ZNF317: variants seen among roughly 807,000 people sequenced by gnomAD.
ZNF317 encodes zinc finger protein 317.
ZNF317 carries 17 observed loss-of-function variants against 23.4 expected under a neutral mutation model. The ratio of observed to expected loss-of-function variants is 0.73; its 90% CI spans 0.50 to 1.09. The LOEUF is 1.09. Ranked by LOEUF, ZNF317 falls within the 50% of genes least tolerant of loss-of-function variation. The probability of loss-of-function intolerance (pLI) is 0.00; values close to 1 mark genes in which losing one functional copy is unlikely to be tolerated. For missense variants in ZNF317, 679 were observed against 796.7 expected, an observed-to-expected ratio of 0.85 and a Z score of 1.78; for synonymous variants, 317 against 314.9, an observed-to-expected ratio of 1.01 and a Z score of -0.07.
rs2050845129 is a variant in ZNF317, at chr19:9,160,893, A to G, written c.1248A>G (p.Lys416=). The G allele has an allele frequency of 1.2e-6, 2 of 1,613,642 alleles. No individual in the cohort carries two copies. The highest frequency in any genetic ancestry group is 1.3e-5 in the African/African-American group (1 of 74,782). Residue 416 remains lysine (K), a synonymous_variant, in exon 7 of 7, where the codon AAA becomes AAG. Transcript: ENST00000247956. This position sits in a 1 kb window ranked among gnomAD's most constrained non-coding sequence, Gnocchi z 6.8. ...ACATGAGGATTCACATCGTCAAGAA[A>G]CCCGTGGAATGTCGGCAGTGCGGGA... ...RKHMRIHIVK[K]PVECRQCGKT...
At chr19:9,147,460 C>T (rs564641238) in intron 1 of ZNF317, among the ~76,000 whole-genome samples, 7 of 151,806 alleles carry the variant, frequency 4.6e-5, no homozygotes, top group African/African-American at 1.2e-4. Flanking sequence ...CCTGCCTCAG[C>T]CTCCTGAGTA....
At chr19:9,155,604 C>T (rs551746587) in intron 1 of ZNF317, among the ~76,000 whole-genome samples, 7 of 152,230 alleles carry the variant, frequency 4.6e-5, no homozygotes, top group East Asian at 3.9e-4. Flanking sequence ...CCTAAATGAT[C>T]GCAGGCCTCG....
intron 1 of ZNF317, among the ~76,000 whole-genome samples, chr19:9,142,803 A>T (rs1219777808): frequency 2.3e-5 from 1 of 42,602 alleles, no homozygotes; most frequent in Non-Finnish European, 4.2e-5. Context: ...TGGAAAGGAC[A>T]TGTTACTATT....
intron 4 of ZNF317, 68 bp from the exon 5 acceptor site, chr19:9,157,912 C>T (rs1568314696): frequency 2.0e-6 from 3 of 1,515,454 alleles, no homozygotes; most frequent in Middle Eastern, 1.7e-4. Flanking sequence ...AGTGTTGAGC[C>T]CAGGCTACTG....
rs989407392 is a variant in ZNF317 at position 9,162,504 on chromosome 19, A to C, written c.*1071A>C. 8.6e-5 allele frequency: 13 copies of C among 151,802 alleles called. No individual in the cohort carries two copies. Among genetic ancestry groups the C allele is most frequent in the African/African-American group, 3.1e-4 (13 of 41,300 alleles). 9.4% of individuals were successfully genotyped at this position (151,802 alleles called of 1,614,324 possible). ...AGCATGTGAATATTCTCACGGAGAG[A>C]AGCCCCAGCGAGATTTTCCGGTGAA... On this transcript the variant is annotated 3_prime_UTR_variant, in exon 7 of 7. Coordinates refer to ENST00000247956, the MANE Select transcript of ZNF317 (RefSeq NM_020933.5).
In ZNF317 at chr19:9,157,214, A is replaced by G. The variant is rs1010513939; in HGVS notation, c.163-54A>G. On this transcript the variant is annotated intron_variant, in intron 3 of 6. Coordinates refer to ENST00000247956, the MANE Select transcript of ZNF317 (RefSeq NM_020933.5). ...GGTCTTCAACCTCAGCCATCTTACC[A>G]TGAACATCGTTAGGCTGGTTCCTCG... The G allele has an allele frequency of 3.1e-6, 5 of 1,597,318 alleles. No homozygotes were observed. In the African/African-American group the frequency reaches 4.0e-5, roughly 13 times the overall value.
intron 1 of ZNF317, among the ~76,000 whole-genome samples, chr19:9,144,324 A>C (rs1373282985): frequency 1.3e-5 from 2 of 152,152 alleles, no homozygotes; most frequent in African/African-American, 4.8e-5. Flanking sequence ...CTTATATTTT[A>C]GATATCTCTT....
At position 9,155,935 on chromosome 19, in the gene ZNF317, G is replaced by T; in HGVS notation, c.-82G>T. 1 of 1,551,746 alleles carries T rather than the reference G, an allele frequency of 6.4e-7. No homozygotes were observed. The highest frequency in any genetic ancestry group is 8.9e-7 in the Non-Finnish European group (1 of 1,123,528). On this transcript the variant is annotated 5_prime_UTR_variant, in exon 2 of 7. It introduces an in-frame stop codon into an upstream open reading frame of the 5' UTR. Coordinates refer to ENST00000247956, the MANE Select transcript of ZNF317 (RefSeq NM_020933.5). ...TTTCATTTGCTACAGATGCCAGCTT[G>T]GAGAGTCACGTGAGAGCAAGAGAGT... is the stretch of plus-strand genomic sequence containing the variant.
At position 9,158,848 on chromosome 19, in the gene ZNF317, C is replaced by T; in HGVS notation, c.408C>T (p.Thr136=). 6.2e-7 allele frequency: 1 copy of T among 1,611,888 alleles called. No individual in the cohort carries two copies. The highest frequency in any genetic ancestry group is 8.5e-7 in the Non-Finnish European group (1 of 1,178,018). The change falls in exon 6 of 7, where the codon ACC becomes ACT. Residue 136 remains threonine (T), a synonymous_variant. Coordinates refer to ENST00000247956, the MANE Select transcript of ZNF317 (RefSeq NM_020933.5). ...CAGATTGGGAGACTCCATCTAAAAC[C>T]AAGTGGTCACTTCTTATGGAAGATA... is the stretch of plus-strand genomic sequence containing the variant. ...ACADWETPSK[T]KWSLLMEDIF...
intron 6 of ZNF317, 59 bp downstream of exon 6, chr19:9,158,967 G>A (rs1215343469): frequency 1.6e-6 from 2 of 1,240,142 alleles, no homozygotes; most frequent in Non-Finnish European, 2.4e-6. Flanking sequence ...GACTGGGGCA[G>A]CCTAGGTTAG....
chr19:9,154,170 T>C (rs970517564), intron 1 of ZNF317, among the ~76,000 whole-genome samples: 6 of 152,198 alleles, frequency 3.9e-5, no homozygotes, highest in African/African-American at 1.4e-4. Context: ...CATAGATCAG[T>C]TGTGAGAAGA....
chr19:9,147,330 G>GTTTTTTTTTTTTTTTTTT (rs35259257), intron 1 of ZNF317, among the ~76,000 whole-genome samples: 1 of 110,172 alleles, frequency 9.1e-6, no homozygotes, highest in African/African-American at 3.9e-5. Flanking sequence ...AATGACACTG[G>GTTTTTTTTTTTTTTTTTT]TTTTTTTTTT....
rs150387379 is a variant in ZNF317, at chr19:9,147,312, A to G, written c.-93+6720A>G. Among the ~76,000 whole-genome samples, 16 of 150,310 alleles carry G rather than the reference A, an allele frequency of 1.1e-4. 1 individual carries two copies. In the East Asian group the frequency reaches 2.9e-3, roughly 28 times the overall value. ...TCCGTTCTAACTCATCCATGGTGAC[A>G]GCATTCCAATGACACTGGTTTTTTT... On this transcript the variant is annotated intron_variant, in intron 1 of 6. Coordinates refer to ENST00000247956, the MANE Select transcript of ZNF317 (RefSeq NM_020933.5).
In ZNF317 at chr19:9,160,128, T is replaced by A; in HGVS notation, c.483T>A (p.Leu161=). The A allele has an allele frequency of 6.2e-7, 1 of 1,614,084 alleles. No individual in the cohort carries two copies. The highest frequency in any genetic ancestry group is 8.5e-7 in the Non-Finnish European group (1 of 1,179,918). ...PSGVTMERAG[L]GEKSTEYAHL... ...TTAACCAACAGGAAAGAGCCGGTCT[T>A]GGAGAGAAGTCCACTGAATACGCTC... The change falls in exon 7 of 7, where the codon CTT becomes CTA. Residue 161 remains leucine, a synonymous_variant. Coordinates refer to ENST00000247956, the MANE Select transcript of ZNF317 (RefSeq NM_020933.5). This position sits in a 1 kb window ranked among gnomAD's most constrained non-coding sequence, Gnocchi z 6.8.
At chr19:9,142,669 C>T (rs991843576) in intron 1 of ZNF317, among the ~76,000 whole-genome samples, 7 of 151,502 alleles carry the variant, frequency 4.6e-5, no homozygotes, top group Non-Finnish European at 2.9e-5. Flanking sequence ...TAAATTATGG[C>T]ACTCAGTACT....
chr19:9,159,583 G>T (rs955997805), intron 6 of ZNF317, among the ~76,000 whole-genome samples: 2 of 145,726 alleles, frequency 1.4e-5, no homozygotes, highest in African/African-American at 2.5e-5. Context: ...TCTTGCTCTT[G>T]TCACCCAGGC....
chr19:9,148,275 A>AC (rs2050705741), intron 1 of ZNF317, among the ~76,000 whole-genome samples: 2 of 152,180 alleles, frequency 1.3e-5, no homozygotes, highest in African/African-American at 4.8e-5. Flanking sequence ...AAGTGATAGA[A>AC]TCACTCAGGT....
Position 9,160,093 on chromosome 19 carries a change from C to G in ZNF317, c.469-21C>G. On this transcript the variant is annotated intron_variant, in intron 6 of 6. Transcript: ENST00000247956. The surrounding 1 kb of genome is among the most constrained non-coding windows in gnomAD (Gnocchi z 6.8). ...TGAATATGAGAATTGCCTTTGTCAG[C>G]ACTTACGTCTTAACCAACAGGAAAG... The G allele has an allele frequency of 5.6e-6, 9 of 1,612,752 alleles. No individual in the cohort carries two copies. The highest frequency in any genetic ancestry group is 6.8e-6 in the Non-Finnish European group (8 of 1,178,898).
At chr19:9,152,781 C>G (rs73922952) in intron 1 of ZNF317, among the ~76,000 whole-genome samples, 8,781 of 152,192 alleles carry the variant, frequency 0.058, 799 homozygotes, top group African/African-American at 0.19. Context: ...CCAAAACCAT[C>G]CCCCCTCACC....
Sources: allele counts gnomAD v4.1 joint callset (sites outside exome capture counted in the v4.1 genomes callset), GRCh38; gene constraint gnomAD v4.1.1; non-coding constraint Gnocchi (gnomAD v3.1); transcripts MANE v1.5; gene names NCBI Gene and HGNC (gene_info 2026-07-23, HGNC 2026-07-21).